Variants in MYO1F observed in about 807,000 individuals in gnomAD.
MYO1F encodes the protein myosin IF.
Under a neutral mutation model 146.6 loss-of-function variants are expected in MYO1F, and 60 were observed. That is an observed-to-expected ratio of 0.41 (90% confidence interval 0.33 to 0.51). MYO1F has a LOEUF of 0.51. MYO1F is among the 20% of genes least tolerant of loss of function. The pLI is 0.25. For synonymous variants in MYO1F, 602 were observed against 602.1 expected, an observed-to-expected ratio of 1.00 and a Z score of 0.00; for missense variants, 1,274 against 1,534.3, an observed-to-expected ratio of 0.83 and a Z score of 2.83.
In MYO1F at chr19:8,548,217, C is replaced by G; in HGVS notation, c.1182+20G>C. 6.2e-7 allele frequency: 1 copy of G among 1,613,706 alleles called. No individual in the cohort carries two copies. Among genetic ancestry groups the G allele is most frequent in the Non-Finnish European group, 8.5e-7 (1 of 1,179,918 alleles). On this transcript the variant is annotated intron_variant, in intron 11 of 27. Transcript: ENST00000644032. ...TGCCCCAGGGAGGACAGGATGTGGGCTGGAGGCAGGGGGCCGTACCTGGAA... is the reference window on the plus strand; with the variant it reads ...TGCCCCAGGGAGGACAGGATGTGGGGTGGAGGCAGGGGGCCGTACCTGGAA...
intron 19 of MYO1F, among the ~76,000 whole-genome samples, chr19:8,532,473 G>A (rs957328057): frequency 2.0e-5 from 3 of 152,238 alleles, no homozygotes; most frequent in African/African-American, 7.2e-5. Context: ...AAAAACAATA[G>A]CATGCCTGTC....
chr19:8,559,715 C>T (rs901629999), intron 1 of MYO1F, among the ~76,000 whole-genome samples: 10 of 151,302 alleles, frequency 6.6e-5, no homozygotes, highest in African/African-American at 1.7e-4. Flanking sequence ...TTTGGGAGGC[C>T]GAGGCGGGGA....
intron 19 of MYO1F, among the ~76,000 whole-genome samples, chr19:8,531,849 G>T (rs904707497): frequency 1.3e-5 from 2 of 150,516 alleles, no homozygotes; most frequent in Admixed American, 1.3e-4. Flanking sequence ...CGGGTGCAGT[G>T]GCTCAAGCCT....
rs1972228574 is a variant in MYO1F, at chr19:8,525,519, C to A, written c.2814G>T (p.Ser938=). Residue 938 remains serine (S), a synonymous_variant, in exon 25 of 28, where the codon TCG becomes TCT. Coordinates refer to ENST00000644032, the MANE Select transcript of MYO1F (RefSeq NM_012335.4). The stretch of plus-strand genomic sequence containing the variant: ...GGGCCGCCCGGGTAGGGGCTTGGGA[C>A]GACCTCCGAGGTTTTCCCTTGGCCA... ...KGMAKGKPRR[S]SQAPTRAAPA... 1 of 1,613,464 alleles carries A rather than the reference C, an allele frequency of 6.2e-7. No homozygotes were observed. The highest frequency in any genetic ancestry group is 1.6e-4 in the Middle Eastern group (1 of 6,062).
chr19:8,553,133 A>G lies in MYO1F; in HGVS notation c.504+6T>C. ...AGCTGCTCCAAGCAGGTCTGCAGAG[A>G]CTTACAAAGCGGCTGGAATTGTTGT... is the stretch of plus-strand genomic sequence containing the variant. On this transcript the variant is annotated splice_donor_region_variant and intron_variant, in intron 6 of 27. Transcript: ENST00000644032. 1 of 1,613,948 alleles carries G rather than the reference A, an allele frequency of 6.2e-7. No individual in the cohort carries two copies. Among genetic ancestry groups the G allele is most frequent in the Non-Finnish European group, 8.5e-7 (1 of 1,179,958 alleles).
intron 4 of MYO1F, among the ~76,000 whole-genome samples, chr19:8,553,894 A>ACACACACACACACACACACTCT: frequency 3.3e-4 from 34 of 102,662 alleles, no homozygotes; most frequent in East Asian, 9.4e-4. Flanking sequence ...ACACACACAC[A>ACACACACACACACACACACTCT]CTCTCTCTCT....
chr19:8,534,695 G>A (rs1172591508), intron 19 of MYO1F, among the ~76,000 whole-genome samples: 2 of 147,990 alleles, frequency 1.4e-5, no homozygotes, highest in East Asian at 2.0e-4. Context: ...GTGCGATCTC[G>A]GCTCACTGCA....
intron 13 of MYO1F, among the ~76,000 whole-genome samples, chr19:8,544,849 C>T (rs1400647057): frequency 6.6e-6 from 1 of 152,128 alleles, no homozygotes; most frequent in Non-Finnish European, 1.5e-5. Flanking sequence ...GATCTCAGCT[C>T]ACTGCAGCCT....
intron 25 of MYO1F, chr19:8,525,259 A>C: frequency 2.5e-6 from 1 of 404,252 alleles, no homozygotes; most frequent in Non-Finnish European, 4.7e-6. Context: ...GGGTAGGAGG[A>C]GAGAAGATGT....
rs926962922 is a variant in MYO1F, at chr19:8,566,975, C to T, written c.3+10332G>A. On this transcript the variant is annotated intron_variant, in intron 1 of 27. Transcript: ENST00000644032. ...TACAGGCGTAAGCCACCAGGCCAAG[C>T]CTGGTCTAAGCTTTTTATGTGAATT... Among the ~76,000 whole-genome samples the T allele has an allele frequency of 3.9e-5, 6 of 152,042 alleles. 1 individual carries two copies. The South Asian group carries it at 1.2e-3, about 32-fold the overall frequency.
At chr19:8,527,229 A>C in intron 22 of MYO1F, 109 bp downstream of exon 22, 1 of 1,460,164 alleles carries the variant, frequency 6.8e-7, no homozygotes, top group Non-Finnish European at 9.4e-7. Context: ...AGAGGGCTAC[A>C]GGCATGGCAC....
At position 8,534,294 on chromosome 19, in the gene MYO1F, G is replaced by A. The variant is rs73004510; in HGVS notation, c.2043+1958C>T. ...TTTTTAAATATAGCACAGTTAAACC[G>A]TTGGCTATTTTTCTTTTCTTTTCTT... On this transcript the variant is annotated intron_variant, in intron 19 of 27. Coordinates refer to ENST00000644032, the MANE Select transcript of MYO1F (RefSeq NM_012335.4). Among the ~76,000 whole-genome samples the A allele has an allele frequency of 1.2e-3, 178 of 151,678 alleles. 4 individuals are homozygous for A. Among genetic ancestry groups the A allele is most frequent in the South Asian group, 1.0e-2 (48 of 4,804 alleles).
In MYO1F at chr19:8,524,330, C is replaced by A. The variant is rs181137602; in HGVS notation, c.2854+1149G>T. Among the ~76,000 whole-genome samples, 31 of 148,732 alleles carry A rather than the reference C, an allele frequency of 2.1e-4. No homozygotes were observed. In the East Asian group the frequency reaches 6.2e-3, roughly 30 times the overall value. The stretch of plus-strand genomic sequence containing the variant: ...ACTGGGGAGGCTGAGGCAGGAGAAT[C>A]TCTTGAACCCAGAAGGTGGAAAGTT... On this transcript the variant is annotated intron_variant, in intron 25 of 27. Coordinates refer to ENST00000644032, the MANE Select transcript of MYO1F (RefSeq NM_012335.4).
Position 8,539,992 on chromosome 19 carries a change from A to T in MYO1F, c.1647T>A (p.Asp549Glu), listed in dbSNP as rs1176701417. The change falls in exon 16 of 28, where the codon GAT (aspartate) becomes GAA (glutamate). Residue 549 changes from aspartate (D) to glutamate (E), a missense_variant. Asp to Glu is a conservative substitution (Grantham distance 45). Transcript: ENST00000644032. ...TGCTGGGGCGCCCCTTCTTGTCTCCATCCAGCTTCTCGGGGAAGAGCATCC... is the reference window on the plus strand; with the variant it reads ...TGCTGGGGCGCCCCTTCTTGTCTCCTTCCAGCTTCTCGGGGAAGAGCATCC... ...FLRMLFPEKL[D>E]GDKKGRPSTA... 6.2e-7 allele frequency: 1 copy of T among 1,611,188 alleles called. No homozygotes were observed. Among genetic ancestry groups the T allele is most frequent in the East Asian group, 2.2e-5 (1 of 44,796 alleles).
rs779289407 is a variant in MYO1F, at chr19:8,551,975, T to C, written c.636+58A>G. 26 of 1,613,726 alleles carry C rather than the reference T, an allele frequency of 1.6e-5. No homozygotes were observed. In the East Asian group the frequency reaches 5.6e-4, roughly 35 times the overall value. On this transcript the variant is annotated intron_variant, in intron 7 of 27. Coordinates refer to ENST00000644032, the MANE Select transcript of MYO1F (RefSeq NM_012335.4). ...GCCCCCCTAGGTGTTTACCTTCCCA[T>C]TGTCCACCCCGCTGGGCTCCAGGTG...
At chr19:8,535,905 T>A (rs1337398501) in intron 19 of MYO1F, among the ~76,000 whole-genome samples, 1 of 151,976 alleles carries the variant, frequency 6.6e-6, no homozygotes, top group African/African-American at 2.4e-5. Context: ...ATGGTCTCGA[T>A]CTCCTGGCCT....
chr19:8,525,662 C>G (rs1032156812), intron 24 of MYO1F, 100 bp from the exon 25 acceptor site: 2 of 983,334 alleles, frequency 2.0e-6, no homozygotes, highest in African/African-American at 1.6e-5. Flanking sequence ...ACCCCGCCCC[C>G]TCAGGCTCTC....
intron 1 of MYO1F, among the ~76,000 whole-genome samples, chr19:8,574,007 A>G (rs1174767450): frequency 6.6e-6 from 1 of 152,184 alleles, no homozygotes; most frequent in Non-Finnish European, 1.5e-5. Flanking sequence ...CTTACCAGAA[A>G]CCAACAATAA....
chr19:8,522,507 A>G lies in MYO1F; in HGVS notation c.3090T>C (p.Pro1030=). The part of the protein sequence containing the change: ...RKRSVGQRPV[P]GVGRPKPQPR... ...GCTGGGGCTTGGGTCGGCCCACACC[A>G]GGCACTGGCCGTTGCCCCACGCTGC... The change falls in exon 27 of 28, where the codon CCT becomes CCC. Residue 1030 remains proline (P), a synonymous_variant. Transcript: ENST00000644032. 1 of 1,613,574 alleles carries G rather than the reference A, an allele frequency of 6.2e-7. No homozygotes were observed.
Sources: allele counts gnomAD v4.1 joint callset (sites outside exome capture counted in the v4.1 genomes callset), GRCh38; gene constraint gnomAD v4.1.1; transcripts MANE v1.5; gene names NCBI Gene and HGNC (gene_info 2026-07-23, HGNC 2026-07-21).